JADE2: variants seen among roughly 807,000 people sequenced by gnomAD.
JADE2 encodes jade family PHD finger 2, also known as E3 ubiquitin-protein ligase Jade-2.
In JADE2, 13 loss-of-function variants were observed where a neutral mutation model predicts 85.7. The observed-to-expected ratio is 0.15, with a 90% CI of 0.10 to 0.24. The LOEUF is 0.24. Among genes scored for constraint, JADE2 ranks in the 10% least tolerant of loss-of-function variants. JADE2 has a pLI of 1.00. For missense variants in JADE2, 846 were observed against 1,115.9 expected (o/e 0.76, Z 3.45); for synonymous variants, 440 against 456.1 (o/e 0.96, Z 0.45).
chr5:134,526,089 C>T, intron 1 of JADE2, 78 bp downstream of exon 1: 1 of 985,496 alleles, frequency 1.0e-6, no homozygotes, highest in Non-Finnish European at 1.2e-6. Context: ...GATCTGCCAG[C>T]GCTCTTCGCT....
chr5:134,544,072 A>G (rs190948671), intron 3 of JADE2, among the ~76,000 whole-genome samples: 89 of 152,376 alleles, frequency 5.8e-4, no homozygotes, highest in African/African-American at 2.0e-3. Flanking sequence ...GCAGAGACAC[A>G]GGCGGAAGGG....
rs924306589 is a variant in JADE2 at position 134,573,563 on chromosome 5, C to A, written c.1435-82C>A. The A allele has an allele frequency of 5.4e-5, 50 of 930,684 alleles. No homozygotes were observed. In the African/African-American group the frequency reaches 6.4e-4, roughly 12 times the overall value. The allele number at this position is 930,684 out of a possible 1,614,324, so 57.7% of individuals were successfully genotyped here. A position where few individuals can be genotyped will look rare whatever the true frequency, so the allele number is the denominator to read the frequency against. On this transcript the variant is annotated intron_variant, in intron 9 of 11. Coordinates refer to ENST00000681547, the MANE Select transcript of JADE2 (RefSeq NM_001388185.1). ...TAGCCTGTGCCCCTGGCACTGCCTC[C>A]ACCCATAGCAAGGTCCCCAGAGCTG...
At chr5:134,564,223 C>A in intron 7 of JADE2, 1 of 317,444 alleles carries the variant, frequency 3.2e-6, no homozygotes. Flanking sequence ...CACACACTGA[C>A]GGCACACTCA....
chr5:134,573,565 C>T, intron 9 of JADE2, 80 bp from the exon 10 acceptor site: 1 of 952,946 alleles, frequency 1.0e-6, no homozygotes, highest in Non-Finnish European at 1.7e-6. Context: ...ACTGCCTCCA[C>T]CCATAGCAAG....
chr5:134,576,633 A>G, intron 10 of JADE2, 135 bp from the exon 11 acceptor site: 1 of 1,125,774 alleles, frequency 8.9e-7, no homozygotes, highest in Non-Finnish European at 1.3e-6. Flanking sequence ...GCCATCCCCT[A>G]ACTCCAACCT....
In JADE2 at chr5:134,578,909, G is replaced by A. The variant is rs774155769; in HGVS notation, c.2097G>A (p.Leu699=). Residue 699 remains leucine, a synonymous_variant, in exon 12 of 12, where the codon TTG becomes TTA. Transcript: ENST00000681547. This position sits in a 1 kb window ranked among gnomAD's most constrained non-coding sequence, Gnocchi z 4.4. The part of the protein sequence containing the change: ...RKPPRRTSSH[L]PSSPAAGDCP... ...CACCACGTCGGACATCTTCTCACTT[G>A]CCGTCCAGCCCTGCAGCCGGGGACT... 6.2e-7 allele frequency: 1 copy of A among 1,613,848 alleles called. No homozygotes were observed. The highest frequency in any genetic ancestry group is 8.5e-7 in the Non-Finnish European group (1 of 1,180,016).
intron 4 of JADE2, 39 bp from the exon 5 acceptor site, chr5:134,559,791 G>A: frequency 1.3e-6 from 2 of 1,585,198 alleles, no homozygotes; most frequent in Non-Finnish European, 1.7e-6. Flanking sequence ...GGCAGGCTGA[G>A]GGCCCCTCCC....
rs1764512942 is a variant in JADE2 at position 134,578,371 on chromosome 5, G to T, written c.1682-123G>T. ...TGGACAAAACAAGATAGCTCACCTG[G>T]GTCTGGCACAGGGGGACAGAGAGAA... On this transcript the variant is annotated intron_variant, in intron 11 of 11. Coordinates refer to ENST00000681547, the MANE Select transcript of JADE2 (RefSeq NM_001388185.1). The surrounding 1 kb of genome is among the most constrained non-coding windows in gnomAD (Gnocchi z 4.4). The T allele has an allele frequency of 5.4e-6, 4 of 735,064 alleles. No homozygotes were observed. The highest frequency in any genetic ancestry group is 1.7e-5 in the African/African-American group (1 of 57,160). The allele number at this position is 735,064 out of a possible 1,614,324, so 45.5% of individuals were successfully genotyped here.
chr5:134,570,873 G>C (rs1763959274), intron 9 of JADE2, among the ~76,000 whole-genome samples: 1 of 152,178 alleles, frequency 6.6e-6, no homozygotes, highest in South Asian at 2.1e-4. Context: ...GGGGGTGCTG[G>C]CTGCCCCTCC....
intron 3 of JADE2, among the ~76,000 whole-genome samples, chr5:134,543,123 C>T (rs1186799152): frequency 6.7e-6 from 1 of 149,590 alleles, no homozygotes; most frequent in African/African-American, 2.5e-5. Flanking sequence ...CAACCTCCAT[C>T]TCCTGGGTTT....
intron 3 of JADE2, among the ~76,000 whole-genome samples, chr5:134,543,929 G>A (rs992143946): frequency 6.6e-6 from 1 of 152,212 alleles, no homozygotes; most frequent in African/African-American, 2.4e-5. Flanking sequence ...TCCCACAGGG[G>A]CTGGGGAATT....
At position 134,582,112 on chromosome 5, in the gene JADE2, T is replaced by TC. The variant is rs911586436; in HGVS notation, c.*2800dup. 6.6e-6 allele frequency: 1 copy of TC among 152,134 alleles called. No homozygotes were observed. The highest frequency in any genetic ancestry group is 2.4e-5 in the African/African-American group (1 of 41,418). 9.4% of individuals were successfully genotyped at this position (152,134 alleles called of 1,614,324 possible). On this transcript the variant is annotated 3_prime_UTR_variant, in exon 12 of 12. Transcript: ENST00000681547. ...GCTCTGTAACTCATTCTGGCTATCG[T>TC]CCCCCTTCTCACTGACCTGACCGCC... is the stretch of plus-strand genomic sequence containing the variant.
At chr5:134,529,529 G>A (rs185182484) in intron 1 of JADE2, among the ~76,000 whole-genome samples, 43 of 152,254 alleles carry the variant, frequency 2.8e-4, no homozygotes, top group Admixed American at 2.7e-3. Flanking sequence ...TCTGCAAATG[G>A]GATTAATAAC....
In JADE2 at chr5:134,566,624, A is replaced by C; in HGVS notation, c.1434+44A>C. 7.2e-7 allele frequency: 1 copy of C among 1,393,746 alleles called. No individual in the cohort carries two copies. The highest frequency in any genetic ancestry group is 9.7e-7 in the Non-Finnish European group (1 of 1,027,596). The allele number at this position is 1,393,746 out of a possible 1,614,324, so 86.3% of individuals were successfully genotyped here. On this transcript the variant is annotated intron_variant, in intron 9 of 11. Transcript: ENST00000681547. The surrounding 1 kb of genome is among the most constrained non-coding windows in gnomAD (Gnocchi z 6.7). ...TGCCCACCCCCTGCCTGGTGGGTCC[A>C]GGAGTCCTTTCCATGCCACACTCAC...
chr5:134,566,692 C>T lies in JADE2; in HGVS notation c.1434+112C>T. ...GACTCACCAGGACTCAAACTGTGAG[C>T]TCTGGTGGACCGGCCCTGCTGCAGG... On this transcript the variant is annotated intron_variant, in intron 9 of 11. Transcript: ENST00000681547. The surrounding 1 kb of genome is among the most constrained non-coding windows in gnomAD (Gnocchi z 6.7). The T allele has an allele frequency of 1.2e-6, 1 of 821,444 alleles. No individual in the cohort carries two copies. The highest frequency in any genetic ancestry group is 1.9e-6 in the Non-Finnish European group (1 of 536,624). The allele number at this position is 821,444 out of a possible 1,614,324, so 50.9% of individuals were successfully genotyped here.
Position 134,579,513 on chromosome 5 carries a change from G to A in JADE2, c.*196G>A. The A allele has an allele frequency of 1.8e-6, 1 of 564,798 alleles. No individual in the cohort carries two copies. Among genetic ancestry groups the A allele is most frequent in the Non-Finnish European group, 3.1e-6 (1 of 322,220 alleles). The allele number at this position is 564,798 out of a possible 1,614,324, so 35.0% of individuals were successfully genotyped here. A position where few individuals can be genotyped will look rare whatever the true frequency, so the allele number is the denominator to read the frequency against. ...TCCTCTGTGCTGGCCTAGGACATTA[G>A]GATTCCTTCCACGGCTCCGGCCGCT... On this transcript the variant is annotated 3_prime_UTR_variant, in exon 12 of 12. Coordinates refer to ENST00000681547, the MANE Select transcript of JADE2 (RefSeq NM_001388185.1). The surrounding 1 kb of genome is among the most constrained non-coding windows in gnomAD (Gnocchi z 4.6).
chr5:134,564,736 G>A (rs964298644), intron 8 of JADE2, 126 bp downstream of exon 8: 1 of 585,878 alleles, frequency 1.7e-6, no homozygotes. Context: ...CCAGAGGGGT[G>A]TGGGACTGGG....
chr5:134,552,014 C>T (rs775744459), intron 3 of JADE2, 38 bp from the exon 4 acceptor site: 6 of 1,610,756 alleles, frequency 3.7e-6, no homozygotes, highest in Non-Finnish European at 5.1e-6. Flanking sequence ...TGCCCTGAGG[C>T]AGTCTGAAGT....
chr5:134,567,312 G>A (rs1041888199), intron 9 of JADE2, among the ~76,000 whole-genome samples: 1 of 152,204 alleles, frequency 6.6e-6, no homozygotes, highest in African/African-American at 2.4e-5. Context: ...ACTCCCTGGA[G>A]GAGAAGTCCC....
Sources: gnomAD v4.1 joint callset for allele counts (sites outside exome capture counted in the v4.1 genomes callset) on GRCh38, gnomAD v4.1.1 for gene constraint, Gnocchi (gnomAD v3.1) non-coding constraint, MANE v1.5 for transcripts, NCBI Gene and HGNC (gene_info 2026-07-23, HGNC 2026-07-21) for gene names.